PURG: variants seen among roughly 807,000 people sequenced by gnomAD.
The protein encoded by PURG is purine rich element binding protein G.
A neutral mutation model predicts 24.3 loss-of-function variants in PURG; 3 were observed. That is an observed-to-expected ratio of 0.12 (90% confidence interval 0.06 to 0.32). The LOEUF is 0.32. PURG is among the 10% of genes least tolerant of loss of function. The probability of loss-of-function intolerance (pLI) is 1.00; values close to 1 mark genes in which losing one functional copy is unlikely to be tolerated. For missense variants in PURG, 371 were observed against 439.1 expected, an observed-to-expected ratio of 0.84 and a Z score of 1.39; for synonymous variants, 180 against 173.1, an observed-to-expected ratio of 1.04 and a Z score of -0.31.
downstream of PURG, among the ~76,000 whole-genome samples, chr8:31,029,446 TA>T (rs1811148560): frequency 6.6e-6 from 1 of 151,806 alleles, no homozygotes; most frequent in East Asian, 1.9e-4. Context: ...TATTTATCTT[TA>T]AGTCTGACAT....
intron 1 of PURG, among the ~76,000 whole-genome samples, chr8:31,016,263 C>T (rs1034773417): frequency 2.0e-5 from 3 of 151,904 alleles, no homozygotes; most frequent in Admixed American, 6.6e-5. Flanking sequence ...GCCTGCAGTC[C>T]CAGCTACTCA....
At chr8:31,024,542 C>T (rs988674171) in intron 1 of PURG, among the ~76,000 whole-genome samples, 7 of 152,100 alleles carry the variant, frequency 4.6e-5, no homozygotes, top group African/African-American at 1.7e-4. Context: ...AGATGAATTT[C>T]GTTACAGACA....
In PURG at chr8:31,033,189, T is replaced by TC. The variant is rs1811292676; in HGVS notation, c.-119dup. 5.5e-6 allele frequency: 1 copy of TC among 183,196 alleles called. No individual in the cohort carries two copies. Among genetic ancestry groups the TC allele is most frequent in the Admixed American group, 6.4e-5 (1 of 15,584 alleles). 11.3% of individuals were successfully genotyped at this position (183,196 alleles called of 1,614,324 possible). On this transcript the variant is annotated 5_prime_UTR_variant, in exon 1 of 2. The change creates a premature stop within an existing upstream ORF in the 5' untranslated region. Coordinates refer to ENST00000523392, the MANE Select transcript of PURG (RefSeq NM_001323311.2). ...GCCGCAGCCGCCGCCCCCCGCCTCCTCCCCCGCCGCCGCCGCTCGCACTGC... is the reference window on the plus strand; with the variant it reads ...GCCGCAGCCGCCGCCCCCCGCCTCCTCCCCCCGCCGCCGCCGCTCGCACTGC...
downstream of PURG, among the ~76,000 whole-genome samples, chr8:31,027,754 G>A (rs1811116498): frequency 6.6e-6 from 1 of 151,674 alleles, no homozygotes; most frequent in African/African-American, 2.4e-5. Flanking sequence ...GTGTTTCTCA[G>A]TAAAGTATTA....
Position 31,032,700 on chromosome 8 carries a change from C to T in PURG, c.83G>A (p.Ser28Asn). The change falls in exon 2 of 2, where the codon AGT becomes AAT. Residue 28 changes from serine (S) to asparagine (N), a missense_variant. By Grantham distance (46) the Ser-to-Asn change is conservative (BLOSUM62 1). Around this residue, in one of 5 missense-constraint regions of PURG, gnomAD observed 213 missense variants for 230.6 expected, o/e 0.92. Transcript: ENST00000523392. The surrounding 1 kb of genome is among the most constrained non-coding windows in gnomAD (Gnocchi z 5.9). ...GTGCTGGGCCTGGGGATAGAGTCTACTCTTGCTTAGGCCAGAGCCCCCTAC... is the reference window on the plus strand; with the variant it reads ...GTGCTGGGCCTGGGGATAGAGTCTATTCTTGCTTAGGCCAGAGCCCCCTAC... ...KNVGGSGLSK[S>N]RLYPQAQHSH... 1 of 1,516,138 alleles carries T rather than the reference C, an allele frequency of 6.6e-7. No homozygotes were observed. 93.9% of individuals were successfully genotyped at this position (1,516,138 alleles called of 1,614,324 possible).
intron 1 of PURG, among the ~76,000 whole-genome samples, chr8:31,005,584 G>T (rs865841303): frequency 2.0e-5 from 3 of 152,114 alleles, no homozygotes; most frequent in Non-Finnish European, 4.4e-5. Flanking sequence ...GTTGACTGAG[G>T]AGGGGTACAT....
rs1184302195 is a variant in PURG at position 31,018,389 on chromosome 8, T to A, written c.864+13530A>T. On this transcript the variant is annotated intron_variant, in intron 1 of 1. Transcript: ENST00000339382. ...TTTTCTGATTTATTAATTCCCTTTA[T>A]GCATCCCACATTCAGTGCGTGCCTA... 2.0e-5 allele frequency among the ~76,000 whole-genome samples: 3 copies of A among 152,320 alleles called. No individual in the cohort carries two copies. In the East Asian group the frequency reaches 5.8e-4, roughly 29 times the overall value.
At chr8:31,010,553 T>C (rs1451501912) in intron 1 of PURG, among the ~76,000 whole-genome samples, 1 of 152,250 alleles carries the variant, frequency 6.6e-6, no homozygotes, top group Non-Finnish European at 1.5e-5. Context: ...ACATATATGC[T>C]TAATTTTGCC....
At chr8:31,024,144 A>AT (rs2129834314) in intron 1 of PURG, among the ~76,000 whole-genome samples, 1 of 152,304 alleles carries the variant, frequency 6.6e-6, no homozygotes, top group East Asian at 1.9e-4. Flanking sequence ...ACAAAATTTT[A>AT]TTTTGTGTGG....
Position 31,001,484 on chromosome 8 carries a change from C to T in PURG, c.865-4787G>A, listed in dbSNP as rs961690332. Reference sequence around the variant, plus strand: ...ACAGGTTTATAATGATCTCATGTAGCTTCTCTGCTCTCTGGGCAGTTATCT... The same window carrying T: ...ACAGGTTTATAATGATCTCATGTAGTTTCTCTGCTCTCTGGGCAGTTATCT... On this transcript the variant is annotated intron_variant, in intron 1 of 1. Coordinates refer to the PURG transcript ENST00000339382. 2.6e-5 allele frequency among the ~76,000 whole-genome samples: 4 copies of T among 152,282 alleles called. No homozygotes were observed. The South Asian group carries it at 8.3e-4, about 32-fold the overall frequency.
At chr8:31,005,509 A>C (rs1810625733) in intron 1 of PURG, among the ~76,000 whole-genome samples, 1 of 152,034 alleles carries the variant, frequency 6.6e-6, no homozygotes, top group Non-Finnish European at 1.5e-5. Context: ...CAGAATACAC[A>C]AAACTAATCT....
chr8:31,022,524 C>A (rs987223464), intron 1 of PURG, among the ~76,000 whole-genome samples: 1 of 152,150 alleles, frequency 6.6e-6, no homozygotes, highest in African/African-American at 2.4e-5. Flanking sequence ...TTTCAAAGAG[C>A]AGCTCTGGTC....
chr8:30,997,202 G>C (rs1484669960), intron 1 of PURG, among the ~76,000 whole-genome samples: 4 of 151,618 alleles, frequency 2.6e-5, no homozygotes, highest in Admixed American at 1.3e-4. Flanking sequence ...GCGTTTATTT[G>C]TTTTCCAAGT....
chr8:31,002,031 T>C (rs1203165506), intron 1 of PURG, among the ~76,000 whole-genome samples: 1 of 152,238 alleles, frequency 6.6e-6, no homozygotes, highest in Non-Finnish European at 1.5e-5. Context: ...ATTCTTTTCT[T>C]AAGCTAATTC....
intron 1 of PURG, among the ~76,000 whole-genome samples, chr8:31,003,067 T>C (rs1810570676): frequency 6.6e-6 from 1 of 152,186 alleles, no homozygotes; most frequent in South Asian, 2.1e-4. Flanking sequence ...AACAAGATTC[T>C]CTTGGTAATT....
downstream of PURG, chr8:31,030,768 T>C (rs1363488923): frequency 6.6e-6 from 1 of 152,098 alleles, no homozygotes; most frequent in Non-Finnish European, 1.5e-5. Context: ...AATATATTAT[T>C]ACAGGTATAT....
At chr8:31,019,636 ATC>A (rs1810955692) in intron 1 of PURG, among the ~76,000 whole-genome samples, 1 of 149,826 alleles carries the variant, frequency 6.7e-6, no homozygotes, top group South Asian at 2.1e-4. Context: ...CCCAGCCAAT[ATC>A]TCTTTTTTCT....
At chr8:31,006,221 C>A (rs566352794) in intron 1 of PURG, among the ~76,000 whole-genome samples, 44 of 152,292 alleles carry the variant, frequency 2.9e-4, no homozygotes, top group African/African-American at 9.9e-4. Context: ...TGAGAAAATT[C>A]TATTGGTTTT....
Position 30,997,413 on chromosome 8 carries a change from A to G in PURG, c.865-716T>C, listed in dbSNP as rs375737020. ...TTTGGGTTAATATATCTTGTTTTTA[A>G]AAGAAAACAAAGAACCAAACCAAAC... On this transcript the variant is annotated intron_variant, in intron 1 of 1. Coordinates refer to the PURG transcript ENST00000339382. 2.0e-5 allele frequency among the ~76,000 whole-genome samples: 3 copies of G among 151,894 alleles called. No individual in the cohort carries two copies. The East Asian group carries it at 5.8e-4, about 29-fold the overall frequency.
Sources: allele counts gnomAD v4.1 joint callset (sites outside exome capture counted in the v4.1 genomes callset), GRCh38; gene constraint gnomAD v4.1.1; regional missense constraint gnomAD v4.1.1; non-coding constraint Gnocchi (gnomAD v3.1); transcripts MANE v1.5; gene names NCBI Gene and HGNC (gene_info 2026-07-23, HGNC 2026-07-21).